The following ARFGEF1 variants were observed in gnomAD, a reference collection of about 807,000 sequenced individuals.
ARFGEF1 encodes the protein ARF guanine nucleotide exchange factor 1, also known as brefeldin A-inhibited guanine nucleotide-exchange protein 1.
In ARFGEF1, 42 loss-of-function variants were observed where a neutral mutation model predicts 231.0. The ratio of observed to expected loss-of-function variants is 0.18; its 90% CI spans 0.14 to 0.24. The LOEUF (loss-of-function observed/expected upper bound fraction) is 0.24, where lower values mean the gene tolerates loss of function less well. ARFGEF1 is among the 10% of genes least tolerant of loss of function. The pLI, the probability that ARFGEF1 is intolerant of heterozygous loss-of-function variation, is 1.00. For missense variants in ARFGEF1, 1,345 were observed against 2,192.0 expected, an observed-to-expected ratio of 0.61 and a Z score of 7.72; for synonymous variants, 710 against 732.3, an observed-to-expected ratio of 0.97 and a Z score of 0.49.
At chr8:67,206,654 G>A (rs16919053) in intron 34 of ARFGEF1, among the ~76,000 whole-genome samples, 19,023 of 152,140 alleles carry the variant, frequency 0.13, 2,343 homozygotes, top group African/African-American at 0.32. Context: ...ATGCAGCAGC[G>A]CAAGGTTAGA....
chr8:67,223,752 G>A (rs1455542081), intron 29 of ARFGEF1, among the ~76,000 whole-genome samples: 3 of 152,100 alleles, frequency 2.0e-5, no homozygotes, highest in African/African-American at 7.2e-5. Flanking sequence ...ATAAATAAAG[G>A]GTGAGGGGAG....
intron 14 of ARFGEF1, among the ~76,000 whole-genome samples, chr8:67,265,476 G>A (rs897005702): frequency 6.6e-6 from 1 of 152,164 alleles, no homozygotes; most frequent in African/African-American, 2.4e-5. Flanking sequence ...TAGTCCAGGA[G>A]CAGGCAGGTA....
chr8:67,182,288 G>T (rs992056802), intron 5 of ARFGEF1, among the ~76,000 whole-genome samples: 8 of 151,868 alleles, frequency 5.3e-5, no homozygotes, highest in African/African-American at 1.9e-4. Context: ...GATTACAGGT[G>T]TGAGCTACCA....
intron 1 of ARFGEF1, among the ~76,000 whole-genome samples, 164 bp downstream of exon 1, chr8:67,343,000 G>A (rs1291166891): frequency 6.6e-6 from 1 of 151,800 alleles, no homozygotes; most frequent in Non-Finnish European, 1.5e-5. Context: ...ACATCCAGCC[G>A]AGTTCCTGTC....
At position 67,222,135 on chromosome 8, in the gene ARFGEF1, T is replaced by C. The variant is rs185973953; in HGVS notation, c.4209-2575A>G. Among the ~76,000 whole-genome samples the C allele has an allele frequency of 7.8e-3, 1,151 of 147,760 alleles. 12 individuals carry two copies. Among genetic ancestry groups the C allele is most frequent in the African/African-American group, 0.027 (1,092 of 40,450 alleles). ...CCCAGCCTACAGGTTTTATCTTTTATGCCATGTTTTTACTGTACCTTTTCC... is the reference window on the plus strand; with the variant it reads ...CCCAGCCTACAGGTTTTATCTTTTACGCCATGTTTTTACTGTACCTTTTCC... On this transcript the variant is annotated intron_variant, in intron 29 of 38. Transcript: ENST00000262215.
intron 6 of ARFGEF1, among the ~76,000 whole-genome samples, chr8:67,291,030 G>A (rs964165061): frequency 1.3e-5 from 2 of 151,356 alleles, no homozygotes; most frequent in Non-Finnish European, 2.9e-5. Flanking sequence ...TAAAAACACA[G>A]ACTTCAGATG....
intron 1 of ARFGEF1, among the ~76,000 whole-genome samples, chr8:67,304,824 T>TAAATA (rs55720519): frequency 1.8e-4 from 28 of 152,262 alleles, no homozygotes; most frequent in Non-Finnish European, 3.5e-4. Context: ...GTGTCAAAAA[T>TAAATA]AAATAAAATA....
At chr8:67,182,860 T>C (rs1032709070) in intron 5 of ARFGEF1, among the ~76,000 whole-genome samples, 17 of 152,230 alleles carry the variant, frequency 1.1e-4, no homozygotes, top group Non-Finnish European at 5.9e-5. Flanking sequence ...GGGAGTTCTT[T>C]ATTATCTATT....
At chr8:67,268,660 A>T (rs1168634518) in intron 10 of ARFGEF1, among the ~76,000 whole-genome samples, 1 of 152,242 alleles carries the variant, frequency 6.6e-6, no homozygotes, top group East Asian at 1.9e-4. Context: ...CAATTCCAAG[A>T]TCTAAGAAGC....
At chr8:67,228,868 A>T (rs188170025) in intron 23 of ARFGEF1, among the ~76,000 whole-genome samples, 5 of 152,200 alleles carry the variant, frequency 3.3e-5, no homozygotes, top group Admixed American at 1.3e-4. Flanking sequence ...AAAGTTTCAT[A>T]AAAAATTTCA....
intron 38 of ARFGEF1, chr8:67,199,563 T>C (rs1001536311): frequency 6.3e-6 from 1 of 159,194 alleles, no homozygotes; most frequent in Non-Finnish European, 1.4e-5. Context: ...TTGCTATACT[T>C]TGGCTGTATC....
At chr8:67,312,638 GTAAAAATATGGAAACATA>G (rs1395537484) in intron 1 of ARFGEF1, among the ~76,000 whole-genome samples, 1 of 152,182 alleles carries the variant, frequency 6.6e-6, no homozygotes, top group African/African-American at 2.4e-5. Context: ...AATGGGAAGT[GTAAAAATATGGAAACATA>G]TAACACTATT....
chr8:67,308,512 A>G (rs956169429), intron 1 of ARFGEF1, among the ~76,000 whole-genome samples: 2 of 152,198 alleles, frequency 1.3e-5, no homozygotes, highest in African/African-American at 4.8e-5. Flanking sequence ...CTGTCCCCTA[A>G]ATCAATTCCT....
intron 5 of ARFGEF1, among the ~76,000 whole-genome samples, chr8:67,177,900 C>G (rs1832080200): frequency 6.6e-6 from 1 of 152,062 alleles, no homozygotes; most frequent in East Asian, 1.9e-4. Flanking sequence ...ATATAGAAAA[C>G]ATATTGTAAT....
At position 67,236,363 on chromosome 8, in the gene ARFGEF1, AAAATATATATATATATATAT is replaced by A. The variant is rs1221550606; in HGVS notation, c.3289+1960_3289+1979del. On this transcript the variant is annotated intron_variant, in intron 22 of 38. Transcript: ENST00000262215. ...AAGATATTAGTTAAAAAAAAAAAAA[AAAATATATATATATATATAT>A]ATATATATATATATATATATATATA... Among the ~76,000 whole-genome samples the A allele has an allele frequency of 7.0e-3, 262 of 37,694 alleles. 17 individuals are homozygous for A. Among genetic ancestry groups the A allele is most frequent in the African/African-American group, 0.02 (145 of 7,390 alleles). The allele number at this position is 37,694 out of a possible 152,430, so 24.7% of individuals were successfully genotyped here.
intron 17 of ARFGEF1, among the ~76,000 whole-genome samples, chr8:67,256,662 A>C (rs1382482582): frequency 6.6e-6 from 1 of 152,224 alleles, no homozygotes; most frequent in South Asian, 2.1e-4. Flanking sequence ...TTATAAATGT[A>C]ATTTTACCCA....
At chr8:67,332,187 C>T (rs1469960345) in intron 1 of ARFGEF1, among the ~76,000 whole-genome samples, 1 of 152,084 alleles carries the variant, frequency 6.6e-6, no homozygotes, top group Non-Finnish European at 1.5e-5. Context: ...TATATACTTA[C>T]ATATGAAGTC....
rs1483942387 is a variant in ARFGEF1, at chr8:67,302,357, A to G, written c.155+79T>C. On this transcript the variant is annotated intron_variant, in intron 2 of 38. Transcript: ENST00000262215. ...CATGCAGAGAATTTGCCACACTAAA[A>G]TACAGATGACTATATTATTTTGACC... 1.4e-5 allele frequency: 16 copies of G among 1,167,676 alleles called. 1 individual carries two copies. In the East Asian group the frequency reaches 4.1e-4, roughly 30 times the overall value. 72.3% of individuals were successfully genotyped at this position (1,167,676 alleles called of 1,614,324 possible). A position where few individuals can be genotyped will look rare whatever the true frequency, so the allele number is the denominator to read the frequency against.
At chr8:67,176,589 G>A (rs548453260) in intron 5 of ARFGEF1, among the ~76,000 whole-genome samples, 15 of 152,180 alleles carry the variant, frequency 9.9e-5, no homozygotes, top group Non-Finnish European at 1.8e-4. Context: ...TTTGTACCCA[G>A]TCTGGTGGCA....
Sources: allele counts gnomAD v4.1 joint callset (sites outside exome capture counted in the v4.1 genomes callset), GRCh38; gene constraint gnomAD v4.1.1; transcripts MANE v1.5; gene names NCBI Gene and HGNC (gene_info 2026-07-23, HGNC 2026-07-21).